Variants in GDPD4 observed in about 807,000 individuals in gnomAD.
GDPD4 encodes glycerophosphodiester phosphodiesterase domain containing 4, also known as glycerophosphodiester phosphodiesterase 6.
In GDPD4, 60 loss-of-function variants were observed where a neutral mutation model predicts 67.8. The ratio of observed to expected loss-of-function variants is 0.88; its 90% CI spans 0.72 to 1.10. GDPD4 has a LOEUF of 1.10. Among genes scored for constraint, GDPD4 ranks in the 50% least tolerant of loss-of-function variants. The pLI, the probability that GDPD4 is intolerant of heterozygous loss-of-function variation, is 0.00. For missense variants in GDPD4, 623 were observed against 613.9 expected (o/e 1.01, Z -0.16); for synonymous variants, 212 against 210.9 (o/e 1.00, Z -0.04).
chr11:77,298,279 A>G (rs1938044523), intron 1 of GDPD4, among the ~76,000 whole-genome samples: 1 of 152,210 alleles, frequency 6.6e-6, no homozygotes, highest in Admixed American at 6.5e-5. Flanking sequence ...TGGGAGGCCA[A>G]GGCGGGCAGA....
chr11:77,276,395 C>T (rs1959471923), intron 4 of GDPD4, among the ~76,000 whole-genome samples, 175 bp from the exon 5 acceptor site: 1 of 152,150 alleles, frequency 6.6e-6, no homozygotes, highest in African/African-American at 2.4e-5. Context: ...TGAAAAAGCT[C>T]CCTCTCCCTA....
At position 77,243,827 on chromosome 11, in the gene GDPD4, C is replaced by T. The variant is rs763195741; in HGVS notation, c.1108G>A (p.Asp370Asn). Residue 370 changes from aspartate (D) to asparagine (N), a missense_variant, in exon 13 of 17, where the codon GAT (aspartate) becomes AAT (asparagine). Coordinates refer to ENST00000315938, the MANE Select transcript of GDPD4 (RefSeq NM_182833.3). ...QHLIFWLPAH[D>N]RQYVRSVAPG... ...GCCACGGACCTGACGTATTGCCTAT[C>T]ATGAGCTGGCAACCAAAAAATCTCT... The T allele has an allele frequency of 1.9e-6, 3 of 1,612,834 alleles. No individual in the cohort carries two copies. The highest frequency in any genetic ancestry group is 2.7e-5 in the African/African-American group (2 of 74,816).
intron 13 of GDPD4, among the ~76,000 whole-genome samples, chr11:77,242,457 C>G (rs1304603212): frequency 1.3e-5 from 2 of 151,886 alleles, no homozygotes; most frequent in Non-Finnish European, 2.9e-5. Flanking sequence ...CTCATTAAAC[C>G]TTTTAACCAC....
intron 3 of GDPD4, among the ~76,000 whole-genome samples, chr11:77,283,970 C>T (rs1232056083): frequency 6.6e-6 from 1 of 151,832 alleles, no homozygotes; most frequent in Non-Finnish European, 1.5e-5. Flanking sequence ...ATCCTCCCAC[C>T]TCAGCCTTCT....
chr11:77,231,330 G>A (rs1431665662), intron 14 of GDPD4, among the ~76,000 whole-genome samples: 1 of 152,124 alleles, frequency 6.6e-6, no homozygotes, highest in Non-Finnish European at 1.5e-5. Context: ...AAACAAAAAA[G>A]CCAAAAACCA....
intron 2 of GDPD4, among the ~76,000 whole-genome samples, chr11:77,286,481 G>A (rs1479554694): frequency 1.3e-5 from 2 of 152,142 alleles, no homozygotes; most frequent in Non-Finnish European, 2.9e-5. Context: ...CCTTCCTACT[G>A]CAGGGAAACC....
At chr11:77,232,781 G>A (rs1958477374) in intron 14 of GDPD4, among the ~76,000 whole-genome samples, 1 of 152,184 alleles carries the variant, frequency 6.6e-6, no homozygotes, top group East Asian at 1.9e-4. Context: ...AGGGTTAAAT[G>A]ACATAACGCA....
chr11:77,251,706 C>T (rs769554042), intron 11 of GDPD4, among the ~76,000 whole-genome samples: 4 of 152,104 alleles, frequency 2.6e-5, no homozygotes, highest in East Asian at 1.9e-4. Context: ...TATTTGGGAA[C>T]CTTTGAGCTT....
At chr11:77,276,033 C>T (rs1476100865) in intron 5 of GDPD4, 128 bp downstream of exon 5, 25 of 663,142 alleles carry the variant, frequency 3.8e-5, no homozygotes, top group Non-Finnish European at 1.9e-5. Flanking sequence ...TAAATCTCTT[C>T]TCTCCAAGGA....
intron 11 of GDPD4, among the ~76,000 whole-genome samples, chr11:77,252,062 T>TTG (rs368962445): frequency 1.4e-4 from 18 of 125,282 alleles, no homozygotes; most frequent in South Asian, 2.3e-4. Context: ...TTGTTTTTTT[T>TTG]TTGTTTTTTT....
At chr11:77,280,741 A>T (rs527880271) in intron 3 of GDPD4, among the ~76,000 whole-genome samples, 3 of 152,334 alleles carry the variant, frequency 2.0e-5, no homozygotes, top group Admixed American at 2.0e-4. Context: ...GATTACAGGC[A>T]AAAGAAGAAC....
In GDPD4 at chr11:77,217,266, A is replaced by AATCT. The variant is rs528202506; in HGVS notation, c.*7_*10dup. ...ACAGGAGGTTTCATGGCTATGTGCA[A>AATCT]ATCTATCTATCTATCTATCTTCCTC... On this transcript the variant is annotated 3_prime_UTR_variant, in exon 17 of 17. Coordinates refer to ENST00000315938, the MANE Select transcript of GDPD4 (RefSeq NM_182833.3). The AATCT allele has an allele frequency of 3.3e-4, 530 of 1,596,118 alleles. 3 individuals carry two copies. The highest frequency in any genetic ancestry group is 1.4e-3 in the South Asian group (126 of 90,714).
chr11:77,243,677 T>G lies in GDPD4; in HGVS notation c.1241+17A>C. 1 of 1,601,008 alleles carries G rather than the reference T, an allele frequency of 6.2e-7. No homozygotes were observed. Among genetic ancestry groups the G allele is most frequent in the African/African-American group, 1.3e-5 (1 of 74,718 alleles). ...GTAAGGCAATATGTGCCAAGAGAGGTGTGGTCAAACACTTACCTTAACCCA... is the reference window on the plus strand; with the variant it reads ...GTAAGGCAATATGTGCCAAGAGAGGGGTGGTCAAACACTTACCTTAACCCA... On this transcript the variant is annotated intron_variant, in intron 13 of 16. Coordinates refer to ENST00000315938, the MANE Select transcript of GDPD4 (RefSeq NM_182833.3).
chr11:77,279,171 A>C, intron 4 of GDPD4, 135 bp downstream of exon 4: 1 of 563,168 alleles, frequency 1.8e-6, no homozygotes, highest in East Asian at 2.8e-5. Flanking sequence ...GCTAATGTAA[A>C]TCCCAACTCT....
At chr11:77,278,094 TGACA>T (rs943179168) in intron 4 of GDPD4, among the ~76,000 whole-genome samples, 12 of 152,218 alleles carry the variant, frequency 7.9e-5, no homozygotes, top group African/African-American at 2.2e-4. Context: ...CACTGTGGTC[TGACA>T]GACAGTTTGT....
Position 77,228,142 on chromosome 11 carries a change from AGGCG to A in GDPD4, c.1473-230_1473-227del, listed in dbSNP as rs1958378791. 2.6e-5 allele frequency among the ~76,000 whole-genome samples: 4 copies of A among 152,166 alleles called. No individual in the cohort carries two copies. In the East Asian group the frequency reaches 7.7e-4, roughly 29 times the overall value. On this transcript the variant is annotated intron_variant, in intron 15 of 16. Coordinates refer to ENST00000315938, the MANE Select transcript of GDPD4 (RefSeq NM_182833.3). ...TGCCAGCACTTTGGGAGGCTGAGGC[AGGCG>A]GATCACCTGAGGCGGGGCCAACATG... is the stretch of plus-strand genomic sequence containing the variant.
At chr11:77,275,551 G>A (rs1327605966) in intron 5 of GDPD4, among the ~76,000 whole-genome samples, 3 of 152,050 alleles carry the variant, frequency 2.0e-5, no homozygotes. Context: ...ACGTCCACGG[G>A]AAAACAAGCA....
intron 10 of GDPD4, among the ~76,000 whole-genome samples, chr11:77,261,000 CTA>C (rs1433390428): frequency 2.0e-5 from 3 of 152,104 alleles, no homozygotes; most frequent in African/African-American, 7.2e-5. Flanking sequence ...AAAAGTAAAA[CTA>C]AAAATTTTTT....
rs1417695563 is a variant in GDPD4 at position 77,245,436 on chromosome 11, T to C, written c.931A>G (p.Ile311Val). The C allele has an allele frequency of 6.2e-6, 10 of 1,614,176 alleles. No homozygotes were observed. Among genetic ancestry groups the C allele is most frequent in the South Asian group, 1.1e-5 (1 of 91,080 alleles). Residue 311 changes from isoleucine (I) to valine (V), a missense_variant, in exon 12 of 17, where the codon ATT (isoleucine) becomes GTT (valine). Physicochemically the swap from Ile to Val is conservative, Grantham distance 29. Coordinates refer to ENST00000315938, the MANE Select transcript of GDPD4 (RefSeq NM_182833.3). Reference protein sequence around the residue: ...ADKERARNQSIPTLADLLTLA... With the variant: ...ADKERARNQSVPTLADLLTLA... ...GTCAATAAATCAGCTAGTGTTGGAA[T>C]TGACTGATTTCTTGCTCTTTCTTTA...
Sources: gnomAD v4.1 joint callset for allele counts (sites outside exome capture counted in the v4.1 genomes callset) on GRCh38, gnomAD v4.1.1 for gene constraint, MANE v1.5 for transcripts, NCBI Gene and HGNC (gene_info 2026-07-23, HGNC 2026-07-21) for gene names.